The following LIN28B variants were observed in gnomAD, a reference collection of about 807,000 sequenced individuals.
LIN28B encodes protein lin-28 homolog B.
A neutral mutation model predicts 21.9 loss-of-function variants in LIN28B; 5 were observed. The ratio of observed to expected loss-of-function variants is 0.23; its 90% confidence interval spans 0.12 to 0.48. The LOEUF is 0.48. Among genes scored for constraint, LIN28B ranks in the 20% least tolerant of loss-of-function variants. The pLI is 0.98. For synonymous variants in LIN28B, 109 were observed against 111.3 expected (o/e 0.98, Z 0.13); for missense variants, 245 against 310.5 (o/e 0.79, Z 1.58).
intron 2 of LIN28B, among the ~76,000 whole-genome samples, chr6:105,000,799 C>A (rs1467525638): frequency 1.3e-5 from 2 of 152,108 alleles, no homozygotes; most frequent in African/African-American, 2.4e-5. Context: ...ATTCTTACAA[C>A]AACCCTAATT....
intron 2 of LIN28B, among the ~76,000 whole-genome samples, chr6:105,020,051 GGC>G (rs1413366424): frequency 6.6e-6 from 1 of 151,068 alleles, no homozygotes; most frequent in African/African-American, 2.4e-5. Context: ...AAAAATAATT[GGC>G]AAATAAACGA....
intron 3 of LIN28B, among the ~76,000 whole-genome samples, chr6:105,061,713 G>T (rs1303468021): frequency 6.6e-6 from 1 of 152,110 alleles, no homozygotes; most frequent in Non-Finnish European, 1.5e-5. Flanking sequence ...ATGAATTCTT[G>T]AAGTATGAAG....
intron 2 of LIN28B, among the ~76,000 whole-genome samples, chr6:105,016,456 C>G (rs930506780): frequency 6.6e-6 from 1 of 152,050 alleles, no homozygotes; most frequent in South Asian, 2.1e-4. Flanking sequence ...TTGAAATATT[C>G]CAGAGAATGT....
At chr6:105,062,517 G>A (rs748850744) in intron 3 of LIN28B, among the ~76,000 whole-genome samples, 1 of 152,058 alleles carries the variant, frequency 6.6e-6, no homozygotes, top group Non-Finnish European at 1.5e-5. Flanking sequence ...ATCAAATCCT[G>A]CTTTAAAAAC....
chr6:104,972,979 C>G (rs916146811), intron 2 of LIN28B, among the ~76,000 whole-genome samples: 3 of 151,950 alleles, frequency 2.0e-5, no homozygotes, highest in Admixed American at 6.6e-5. Flanking sequence ...GGTGTGGTGG[C>G]AGGCGCCTGT....
chr6:105,051,605 C>T (rs141420037), intron 3 of LIN28B, among the ~76,000 whole-genome samples: 1 of 151,928 alleles, frequency 6.6e-6, no homozygotes, highest in East Asian at 1.9e-4. Context: ...TAAGTGTAAT[C>T]TCCATGAGAA....
Position 105,006,585 on chromosome 6 carries a change from T to A in LIN28B, c.199-19713T>A, listed in dbSNP as rs141563480. On this transcript the variant is annotated intron_variant, in intron 2 of 3. Transcript: ENST00000345080. Reference sequence around the variant, plus strand: ...TCTTGGCCTCCCAAAGTGTTGGGATTGCAGGTGTGAGCCACCGCGCCCAGC... The same window carrying A: ...TCTTGGCCTCCCAAAGTGTTGGGATAGCAGGTGTGAGCCACCGCGCCCAGC... 2.1e-3 allele frequency among the ~76,000 whole-genome samples: 321 copies of A among 152,324 alleles called. 1 individual carries two copies. The highest frequency in any genetic ancestry group is 7.5e-3 in the African/African-American group (310 of 41,572).
intron 2 of LIN28B, among the ~76,000 whole-genome samples, chr6:104,990,658 A>T (rs1770444950): frequency 6.6e-6 from 1 of 151,930 alleles, no homozygotes; most frequent in East Asian, 1.9e-4. Flanking sequence ...GAAGGTCAGC[A>T]GATAAACAAG....
intron 3 of LIN28B, among the ~76,000 whole-genome samples, chr6:105,060,034 G>T (rs549942493): frequency 3.9e-4 from 59 of 151,824 alleles, no homozygotes; most frequent in Non-Finnish European, 7.2e-4. Context: ...CTCCCGAGTA[G>T]CTGAGATTAC....
chr6:105,006,032 C>G (rs1267200847), intron 2 of LIN28B, among the ~76,000 whole-genome samples: 5 of 152,124 alleles, frequency 3.3e-5, no homozygotes, highest in African/African-American at 4.8e-5. Context: ...GACTTTGTGT[C>G]TGTTTCCTTT....
At chr6:105,050,921 A>G (rs1295202108) in intron 3 of LIN28B, among the ~76,000 whole-genome samples, 3 of 151,320 alleles carry the variant, frequency 2.0e-5, no homozygotes, top group African/African-American at 7.4e-5. Context: ...TGATGCTTTA[A>G]AACATATATA....
chr6:104,987,070 T>C (rs2114260449), intron 2 of LIN28B, among the ~76,000 whole-genome samples: 1 of 152,318 alleles, frequency 6.6e-6, no homozygotes, highest in East Asian at 1.9e-4. Context: ...CTCTACATTT[T>C]TATTTTGACT....
At chr6:104,983,205 C>G (rs1474986778) in intron 2 of LIN28B, among the ~76,000 whole-genome samples, 2 of 152,140 alleles carry the variant, frequency 1.3e-5, no homozygotes, top group Non-Finnish European at 2.9e-5. Context: ...AATGGCATAA[C>G]AGATGAGCTA....
intron 3 of LIN28B, among the ~76,000 whole-genome samples, chr6:105,075,527 C>G (rs1425449118): frequency 6.6e-6 from 1 of 152,146 alleles, no homozygotes; most frequent in Non-Finnish European, 1.5e-5. Context: ...CACATAGACA[C>G]TAAATGCAAA....
intron 2 of LIN28B, among the ~76,000 whole-genome samples, chr6:104,965,283 A>G (rs1341781884): frequency 6.6e-6 from 1 of 152,186 alleles, no homozygotes; most frequent in Non-Finnish European, 1.5e-5. Flanking sequence ...TAATCCCAGC[A>G]CTTTGGGAGG....
intron 2 of LIN28B, among the ~76,000 whole-genome samples, chr6:105,018,311 G>A (rs145256472): frequency 2.6e-4 from 40 of 152,016 alleles, no homozygotes; most frequent in Admixed American, 1.7e-3. Context: ...ATAAAATTCC[G>A]TGATATGACT....
intron 2 of LIN28B, among the ~76,000 whole-genome samples, chr6:105,016,492 G>A (rs543268512): frequency 1.1e-4 from 16 of 152,172 alleles, no homozygotes; most frequent in Middle Eastern, 3.4e-3. Context: ...GATAGACAAG[G>A]GCTTTTTATG....
At chr6:104,964,771 A>G (rs931765178) in intron 2 of LIN28B, among the ~76,000 whole-genome samples, 1 of 152,216 alleles carries the variant, frequency 6.6e-6, no homozygotes, top group Non-Finnish European at 1.5e-5. Context: ...TTGCATTTTG[A>G]TACATCAGGA....
At chr6:104,949,447 C>G (rs1778193866) in intron 2 of LIN28B, among the ~76,000 whole-genome samples, 1 of 152,128 alleles carries the variant, frequency 6.6e-6, no homozygotes, top group Middle Eastern at 3.2e-3. Flanking sequence ...GATTGTCATC[C>G]TTTGTAAAAA....
Sources: allele counts gnomAD v4.1 joint callset (sites outside exome capture counted in the v4.1 genomes callset), GRCh38; gene constraint gnomAD v4.1.1; transcripts MANE v1.5; gene names NCBI Gene and HGNC (gene_info 2026-07-23, HGNC 2026-07-21).